The following RASSF8 variants were observed in gnomAD, a reference collection of about 807,000 sequenced individuals.
RASSF8 encodes the protein Ras association domain family member 8, also known as ras association domain-containing protein 8.
In RASSF8, 22 loss-of-function variants were observed where a neutral mutation model predicts 48.5. That is an observed-to-expected ratio of 0.45 (90% CI 0.32 to 0.65). The LOEUF (loss-of-function observed/expected upper bound fraction) is 0.65. Ranked by LOEUF, RASSF8 falls within the 30% of genes least tolerant of loss-of-function variation. The probability of loss-of-function intolerance (pLI) is 0.03; values close to 1 mark genes in which losing one functional copy is unlikely to be tolerated. For missense variants in RASSF8, 418 were observed against 489.2 expected (o/e 0.85, Z 1.37); for synonymous variants, 127 against 171.5 (o/e 0.74, Z 2.03).
chr12:26,037,964 A>G (rs1402686162), intron 2 of RASSF8, among the ~76,000 whole-genome samples: 1 of 152,194 alleles, frequency 6.6e-6, no homozygotes, highest in Non-Finnish European at 1.5e-5. Flanking sequence ...AGGCCAGCTC[A>G]ATTCTGGGAC....
At chr12:26,008,444 G>A (rs1365818619) in intron 2 of RASSF8, among the ~76,000 whole-genome samples, 1 of 152,082 alleles carries the variant, frequency 6.6e-6, no homozygotes, top group African/African-American at 2.4e-5. Context: ...TGCCTTACTG[G>A]AGTGGGAATT....
Position 26,071,763 on chromosome 12 carries a change from A to G in RASSF8, c.*2945A>G. On this transcript the variant is annotated 3_prime_UTR_variant, in exon 6 of 6. Transcript: ENST00000689635. ...TCAATTCCTATAGTTCAAATTAGTC[A>G]TAAACAAGAGCTACAGCAAGACTGA... 1.0e-6 allele frequency: 1 copy of G among 984,046 alleles called. No homozygotes were observed. Among genetic ancestry groups the G allele is most frequent in the Non-Finnish European group, 1.2e-6 (1 of 828,688 alleles). The allele number at this position is 984,046 out of a possible 1,614,324, so 61.0% of individuals were successfully genotyped here. A position where few individuals can be genotyped will look rare whatever the true frequency, so the allele number is the denominator to read the frequency against.
downstream of RASSF8, among the ~76,000 whole-genome samples, chr12:26,074,595 G>A (rs10842664): frequency 0.22 from 32,986 of 151,300 alleles, 3,792 homozygotes; most frequent in Middle Eastern, 0.34. Flanking sequence ...CACCCGCCTC[G>A]TCCTCCCAAA....
At chr12:26,050,407 G>T (rs960708222) in intron 2 of RASSF8, among the ~76,000 whole-genome samples, 2 of 152,104 alleles carry the variant, frequency 1.3e-5, no homozygotes, top group Non-Finnish European at 2.9e-5. Context: ...AATTCAAACT[G>T]TGTGCCGAGC....
intron 2 of RASSF8, among the ~76,000 whole-genome samples, chr12:26,049,451 C>G (rs1943442887): frequency 6.6e-6 from 1 of 152,160 alleles, no homozygotes; most frequent in Non-Finnish European, 1.5e-5. Context: ...AATTGACTGG[C>G]AAAAATTAAC....
At chr12:25,998,152 C>G (rs1840014515) in intron 2 of RASSF8, among the ~76,000 whole-genome samples, 1 of 152,136 alleles carries the variant, frequency 6.6e-6, no homozygotes, top group Non-Finnish European at 1.5e-5. Flanking sequence ...TATGACTTCC[C>G]TATTATCAGT....
Position 26,064,536 on chromosome 12 carries a change from G to T in RASSF8, c.142G>T (p.Asp48Tyr). 1 of 1,605,332 alleles carries T rather than the reference G, an allele frequency of 6.2e-7. No homozygotes were observed. The highest frequency in any genetic ancestry group is 8.5e-7 in the Non-Finnish European group (1 of 1,175,032). Residue 48 changes from aspartate (D) to tyrosine (Y), a missense_variant, in exon 4 of 6, where the codon GAT (aspartate) becomes TAT (tyrosine). Asp to Tyr is a radical substitution (Grantham distance 160). Transcript: ENST00000689635. ...GTACACCCTTATAGAGAAATGGAGAGATACTGAAAGACACTTAGCACCTCA... is the reference window on the plus strand; with the variant it reads ...GTACACCCTTATAGAGAAATGGAGATATACTGAAAGACACTTAGCACCTCA... ...GRYTLIEKWRDTERHLAPHEN... is the reference protein window; with the variant it reads ...GRYTLIEKWRYTERHLAPHEN...
rs151324357 is a variant in RASSF8 at position 26,049,035 on chromosome 12, G to A, written c.-108-6201G>A. Among the ~76,000 whole-genome samples, 685 of 152,312 alleles carry A rather than the reference G, an allele frequency of 4.5e-3. 7 individuals are homozygous for A. Among genetic ancestry groups the A allele is most frequent in the African/African-American group, 0.016 (652 of 41,564 alleles). On this transcript the variant is annotated intron_variant, in intron 2 of 5. Coordinates refer to ENST00000689635, the MANE Select transcript of RASSF8 (RefSeq NM_001394098.1). ...GGCCTCCCAAAGTGCTGGGATTACA[G>A]GCGTGAACCACTGTGCCCAGCCCTC...
intron 1 of RASSF8, among the ~76,000 whole-genome samples, chr12:25,982,655 T>A (rs1941771699): frequency 6.6e-6 from 1 of 152,178 alleles, no homozygotes; most frequent in Admixed American, 6.5e-5. Context: ...GAGCTTGAAT[T>A]TTCTTGGTCC....
chr12:26,006,139 A>C (rs1476158055), intron 2 of RASSF8, among the ~76,000 whole-genome samples: 1 of 152,210 alleles, frequency 6.6e-6, no homozygotes, highest in African/African-American at 2.4e-5. Flanking sequence ...TATTGTAGGA[A>C]GGGCAGCCTT....
At chr12:26,025,706 G>C (rs947905952) in intron 2 of RASSF8, among the ~76,000 whole-genome samples, 1 of 151,852 alleles carries the variant, frequency 6.6e-6, no homozygotes, top group African/African-American at 2.4e-5. Flanking sequence ...CTGGATACAA[G>C]ATCAGTATGC....
intron 1 of RASSF8, among the ~76,000 whole-genome samples, chr12:25,980,727 T>C (rs182082492): frequency 6.6e-6 from 1 of 152,180 alleles, no homozygotes; most frequent in Non-Finnish European, 1.5e-5. Context: ...ATAGAAGGGA[T>C]GTGGATATCA....
chr12:26,041,921 G>T (rs1943273775), intron 2 of RASSF8, among the ~76,000 whole-genome samples: 1 of 152,118 alleles, frequency 6.6e-6, no homozygotes, highest in Admixed American at 6.6e-5. Context: ...AATATGTATT[G>T]TCCTTACAAA....
intron 1 of RASSF8, among the ~76,000 whole-genome samples, chr12:25,982,371 A>G (rs1235857115): frequency 6.6e-6 from 1 of 152,222 alleles, no homozygotes; most frequent in Admixed American, 6.5e-5. Context: ...TATGAAAAAG[A>G]CATAATGGTT....
chr12:26,032,637 G>A (rs1021616409), intron 2 of RASSF8, among the ~76,000 whole-genome samples: 2 of 152,242 alleles, frequency 1.3e-5, no homozygotes, highest in South Asian at 4.1e-4. Flanking sequence ...GCTTAAGGGA[G>A]TTTTAACCCA....
intron 5 of RASSF8, chr12:26,078,887 A>C: frequency 5.1e-6 from 3 of 589,148 alleles, no homozygotes; most frequent in Non-Finnish European, 8.0e-6. Context: ...GAATATTTCT[A>C]GAAGGTTCTC....
At chr12:26,013,288 G>C (rs1418179563) in intron 2 of RASSF8, among the ~76,000 whole-genome samples, 1 of 152,170 alleles carries the variant, frequency 6.6e-6, no homozygotes, top group Non-Finnish European at 1.5e-5. Context: ...TCTAGTGATA[G>C]CCACCTGGTG....
chr12:26,055,300 C>A lies in RASSF8; in HGVS notation c.-44C>A. On this transcript the variant is annotated 5_prime_UTR_variant, in exon 3 of 6. The change creates a new upstream start codon in the 5' untranslated region. Coordinates refer to ENST00000689635, the MANE Select transcript of RASSF8 (RefSeq NM_001394098.1). ...GCAGCTAGAGACATGACCTAACACC[C>A]TGATGACCACTCTCAGGGACCTTGA... The A allele has an allele frequency of 1.3e-6, 2 of 1,509,876 alleles. No individual in the cohort carries two copies. Among genetic ancestry groups the A allele is most frequent in the Non-Finnish European group, 9.2e-7 (1 of 1,085,138 alleles). The allele number at this position is 1,509,876 out of a possible 1,614,324, so 93.5% of individuals were successfully genotyped here.
chr12:25,978,166 C>G (rs751258783), intron 1 of RASSF8, among the ~76,000 whole-genome samples: 3 of 152,138 alleles, frequency 2.0e-5, no homozygotes, highest in Non-Finnish European at 4.4e-5. Flanking sequence ...TTTAAAAAAC[C>G]ATACAGTACA....
Sources: gnomAD v4.1 joint callset for allele counts (sites outside exome capture counted in the v4.1 genomes callset) on GRCh38, gnomAD v4.1.1 for gene constraint, MANE v1.5 for transcripts, NCBI Gene and HGNC (gene_info 2026-07-23, HGNC 2026-07-21) for gene names.